The following CRACD variants were observed in gnomAD, a reference collection of about 807,000 sequenced individuals.
The protein encoded by CRACD is capping protein-inhibiting regulator of actin dynamics.
Under a neutral mutation model 106.8 loss-of-function variants are expected in CRACD, and 56 were observed. That is an observed-to-expected ratio of 0.52 (90% CI 0.42 to 0.66). The LOEUF (loss-of-function observed/expected upper bound fraction) is 0.66, where lower values mean the gene tolerates loss of function less well. Ranked by LOEUF, CRACD falls within the 30% of genes least tolerant of loss-of-function variation. CRACD has a pLI of 0.00. For missense variants in CRACD, 1,730 were observed against 1,623.2 expected (o/e 1.07, Z -1.13); for synonymous variants, 754 against 670.8 (o/e 1.12, Z -1.92).
intron 2 of CRACD, among the ~76,000 whole-genome samples, chr4:56,221,786 G>A (rs1739051090): frequency 1.3e-5 from 2 of 152,094 alleles, no homozygotes; most frequent in African/African-American, 4.8e-5. Flanking sequence ...GTGAAAAAAG[G>A]CCCACTATTA....
At chr4:56,322,192 G>A (rs541154005) in intron 8 of CRACD, among the ~76,000 whole-genome samples, 7 of 152,318 alleles carry the variant, frequency 4.6e-5, no homozygotes, top group African/African-American at 1.4e-4. Context: ...GCTCACTTTT[G>A]TAGAGTGACC....
intron 1 of CRACD, among the ~76,000 whole-genome samples, chr4:56,087,962 C>G (rs1733286786): frequency 6.6e-6 from 1 of 151,940 alleles, no homozygotes; most frequent in South Asian, 2.1e-4. Context: ...TTTTGTTTCC[C>G]CTTAAACCCA....
At position 56,330,353 on chromosome 4, in the gene CRACD, TATC is replaced by T. The variant is rs1397191933; in HGVS notation, c.*2552_*2554del. Among the ~76,000 whole-genome samples, 2 of 152,212 alleles carry T rather than the reference TATC, an allele frequency of 1.3e-5. No individual in the cohort carries two copies. Among genetic ancestry groups the T allele is most frequent in the Non-Finnish European group, 2.9e-5 (2 of 68,036 alleles). ...TACACAGACATTATTACTATTAAATTATCATTTAGCCAGTTATCTGCAAATATA... is the reference window on the plus strand; with the variant it reads ...TACACAGACATTATTACTATTAAATTATTTAGCCAGTTATCTGCAAATATA... On this transcript the variant is annotated 3_prime_UTR_variant, in exon 11 of 11. Transcript: ENST00000682029.
At chr4:56,190,148 C>T (rs1737304831) in intron 2 of CRACD, among the ~76,000 whole-genome samples, 1 of 151,614 alleles carries the variant, frequency 6.6e-6, no homozygotes, top group South Asian at 2.1e-4. Context: ...AGGACATGAA[C>T]TCATCATTTT....
intron 8 of CRACD, chr4:56,321,161 C>G (rs903194589): frequency 9.1e-5 from 22 of 241,264 alleles, no homozygotes; most frequent in African/African-American, 4.9e-4. Flanking sequence ...CTCTGAGGTT[C>G]TGCAGGCAGT....
At chr4:56,286,378 G>A (rs867397143) in intron 3 of CRACD, among the ~76,000 whole-genome samples, 7 of 144,172 alleles carry the variant, frequency 4.9e-5, no homozygotes, top group East Asian at 2.0e-4. Flanking sequence ...GGGCAACAGC[G>A]TGAGATTCTG....
intron 1 of CRACD, among the ~76,000 whole-genome samples, chr4:56,100,950 C>A (rs964713018): frequency 6.6e-5 from 10 of 152,110 alleles, no homozygotes; most frequent in South Asian, 2.1e-4. Context: ...AGTTTTAAAA[C>A]CTCAACTTGG....
rs147465039 is a variant in CRACD at position 56,155,681 on chromosome 4, A to G, written c.-335-23603A>G. ...AGCTCCTGGGCCCTCACTCAAGGAA[A>G]TGCAAGAATGAGCACAAGTTTTCGG... On this transcript the variant is annotated intron_variant, in intron 1 of 10. Transcript: ENST00000682029. Among the ~76,000 whole-genome samples the G allele has an allele frequency of 2.3e-3, 345 of 152,314 alleles. 4 individuals carry two copies. Among genetic ancestry groups the G allele is most frequent in the African/African-American group, 7.8e-3 (325 of 41,584 alleles).
Position 56,091,946 on chromosome 4 carries a change from G to A in CRACD, c.-336+42647G>A, listed in dbSNP as rs1733436801. 2.6e-5 allele frequency among the ~76,000 whole-genome samples: 4 copies of A among 152,236 alleles called. No individual in the cohort carries two copies. In the South Asian group the frequency reaches 8.3e-4, roughly 32 times the overall value. On this transcript the variant is annotated intron_variant, in intron 1 of 10. Transcript: ENST00000682029. ...GAGCTTAAATTTTAAACTTTGAGAGGCTGACACGGGAGACTCGCTTGAGGC... is the reference window on the plus strand; with the variant it reads ...GAGCTTAAATTTTAAACTTTGAGAGACTGACACGGGAGACTCGCTTGAGGC...
intron 2 of CRACD, among the ~76,000 whole-genome samples, chr4:56,214,107 G>A (rs1291312602): frequency 6.6e-6 from 1 of 152,080 alleles, no homozygotes; most frequent in Admixed American, 6.5e-5. Flanking sequence ...AACAGAAATT[G>A]ATTTCTCACA....
intron 2 of CRACD, among the ~76,000 whole-genome samples, chr4:56,269,087 T>C (rs915725852): frequency 6.6e-5 from 10 of 152,146 alleles, no homozygotes; most frequent in African/African-American, 1.9e-4. Flanking sequence ...GGGTAATTTA[T>C]GAAGAAAAGA....
intron 3 of CRACD, among the ~76,000 whole-genome samples, chr4:56,274,695 C>T (rs1038540417): frequency 6.6e-6 from 1 of 151,984 alleles, no homozygotes; most frequent in Non-Finnish European, 1.5e-5. Context: ...TTATAATAAA[C>T]ACATCTCTTA....
intron 2 of CRACD, among the ~76,000 whole-genome samples, chr4:56,186,718 A>G (rs1361910424): frequency 6.6e-6 from 1 of 152,076 alleles, no homozygotes; most frequent in East Asian, 1.9e-4. Flanking sequence ...CTTAACAGAG[A>G]ACTGTAAGTA....
intron 10 of CRACD, among the ~76,000 whole-genome samples, chr4:56,326,766 GTC>G (rs561464572): frequency 2.0e-4 from 30 of 148,106 alleles, no homozygotes; most frequent in Non-Finnish European, 3.9e-4. Context: ...TTGAAGCAGA[GTC>G]TCTCTCTGTC....
In CRACD at chr4:56,276,317, A is replaced by G. The variant is rs145403267; in HGVS notation, c.-17+3825A>G. On this transcript the variant is annotated intron_variant, in intron 3 of 10. Transcript: ENST00000682029. The stretch of plus-strand genomic sequence containing the variant: ...GTTTGGGGAATTCTGAACAAAAACA[A>G]ATTAAATAGGATTCTTTATGTGGGA... 3.6e-4 allele frequency among the ~76,000 whole-genome samples: 55 copies of G among 152,326 alleles called. 1 individual carries two copies. The East Asian group carries it at 0.01, about 28-fold the overall frequency.
chr4:56,251,560 G>A (rs1389597006), intron 2 of CRACD, among the ~76,000 whole-genome samples: 1 of 152,136 alleles, frequency 6.6e-6, no homozygotes, highest in Non-Finnish European at 1.5e-5. Flanking sequence ...TCAAAACCAA[G>A]TTCAGTGGCC....
At chr4:56,238,576 AGGATGG>A (rs1740137613) in intron 2 of CRACD, among the ~76,000 whole-genome samples, 2 of 152,214 alleles carry the variant, frequency 1.3e-5, no homozygotes, top group African/African-American at 2.4e-5. Flanking sequence ...GAACATGGAG[AGGATGG>A]ATATAGCGGT....
chr4:56,123,208 A>G (rs1299226189), intron 1 of CRACD, among the ~76,000 whole-genome samples: 2 of 152,214 alleles, frequency 1.3e-5, no homozygotes, highest in Non-Finnish European at 2.9e-5. Flanking sequence ...AGTACTTCAC[A>G]TGCATCTGCT....
intron 9 of CRACD, 71 bp from the exon 10 acceptor site, chr4:56,324,033 G>A: frequency 6.6e-7 from 1 of 1,511,184 alleles, no homozygotes; most frequent in Non-Finnish European, 8.9e-7. Context: ...AGGCCCCGAA[G>A]GCCTGCAGGG....
Sources: gnomAD v4.1 joint callset for allele counts (sites outside exome capture counted in the v4.1 genomes callset) on GRCh38, gnomAD v4.1.1 for gene constraint, MANE v1.5 for transcripts, NCBI Gene and HGNC (gene_info 2026-07-23, HGNC 2026-07-21) for gene names.